Variants in CPEB3 observed in about 807,000 individuals in gnomAD.
The protein encoded by CPEB3 is cytoplasmic polyadenylation element-binding protein 3.
CPEB3 carries 20 observed loss-of-function variants against 67.2 expected under a neutral mutation model. The ratio of observed to expected loss-of-function variants is 0.30; its 90% CI spans 0.21 to 0.43. The LOEUF is 0.43. Ranked by LOEUF, CPEB3 falls within the 20% of genes least tolerant of loss-of-function variation. CPEB3 has a pLI of 1.00. For synonymous variants in CPEB3, 376 were observed against 393.1 expected (o/e 0.96, Z 0.51); for missense variants, 746 against 968.6 (o/e 0.77, Z 3.05).
At chr10:92,256,783 G>C (rs1023996954) in intron 1 of CPEB3, among the ~76,000 whole-genome samples, 3 of 152,174 alleles carry the variant, frequency 2.0e-5, no homozygotes, top group African/African-American at 7.2e-5. Context: ...CAGAATTGCT[G>C]ATTCCTTCCT....
intron 1 of CPEB3, among the ~76,000 whole-genome samples, chr10:92,275,902 G>A (rs1321858573): frequency 3.5e-5 from 5 of 141,462 alleles, no homozygotes; most frequent in Non-Finnish European, 7.5e-5. Flanking sequence ...AGGCTGGGGT[G>A]CAGTGTCGCG....
At chr10:92,275,845 CTT>C (rs909549413) in intron 1 of CPEB3, among the ~76,000 whole-genome samples, 4 of 92,968 alleles carry the variant, frequency 4.3e-5, no homozygotes, top group African/African-American at 7.3e-5. Context: ...TCATTCTTTT[CTT>C]TTTTTTTTTT....
intron 1 of CPEB3, among the ~76,000 whole-genome samples, chr10:92,289,810 ATAT>A (rs1293011197): frequency 7.2e-6 from 1 of 139,428 alleles, no homozygotes; most frequent in African/African-American, 2.7e-5. Context: ...AATGTATTAT[ATAT>A]TATATAATAC....
At chr10:92,185,871 ATC>A (rs1848664163) in intron 3 of CPEB3, among the ~76,000 whole-genome samples, 1 of 152,192 alleles carries the variant, frequency 6.6e-6, no homozygotes. Context: ...TGTTTTTTAA[ATC>A]TGTTTTAAGG....
At chr10:92,133,548 A>G (rs189510939) in intron 6 of CPEB3, among the ~76,000 whole-genome samples, 2 of 152,334 alleles carry the variant, frequency 1.3e-5, no homozygotes, top group Admixed American at 1.3e-4. Flanking sequence ...AAAAAAGTCC[A>G]GGACCAGATG....
intron 6 of CPEB3, among the ~76,000 whole-genome samples, chr10:92,119,581 T>TA (rs762946716): frequency 3.3e-5 from 5 of 152,264 alleles, no homozygotes; most frequent in South Asian, 2.1e-4. Flanking sequence ...GTTGCTGGCT[T>TA]AAAGGACAAT....
At chr10:92,223,978 G>T (rs1338034310) in intron 2 of CPEB3, among the ~76,000 whole-genome samples, 1 of 152,026 alleles carries the variant, frequency 6.6e-6, no homozygotes, top group Non-Finnish European at 1.5e-5. Flanking sequence ...CTTTGGCCAG[G>T]TTGGTCTCCA....
intron 9 of CPEB3, among the ~76,000 whole-genome samples, chr10:92,059,881 C>T (rs960485969): frequency 1.4e-5 from 2 of 147,762 alleles, no homozygotes; most frequent in South Asian, 2.1e-4. Context: ...CAGTTGAACC[C>T]GGGAGGCGGA....
intron 1 of CPEB3, among the ~76,000 whole-genome samples, chr10:92,264,162 C>T (rs1482240787): frequency 6.6e-6 from 1 of 151,890 alleles, no homozygotes; most frequent in East Asian, 1.9e-4. Context: ...AACCCTGTCT[C>T]TACAAAAATA....
chr10:92,253,463 CA>C (rs370091703), intron 1 of CPEB3, among the ~76,000 whole-genome samples: 2,489 of 76,846 alleles, frequency 0.032, 15 homozygotes, highest in East Asian at 0.079. Context: ...TGTCTCAAAA[CA>C]AAAAAAAAAA....
intron 9 of CPEB3, among the ~76,000 whole-genome samples, chr10:92,060,416 A>G (rs1842297134): frequency 1.3e-5 from 2 of 152,164 alleles, no homozygotes; most frequent in South Asian, 4.1e-4. Flanking sequence ...TGAAGCTACT[A>G]AAGGAAAACA....
At chr10:92,083,872 C>A (rs1843257451) in intron 8 of CPEB3, among the ~76,000 whole-genome samples, 2 of 152,134 alleles carry the variant, frequency 1.3e-5, no homozygotes, top group African/African-American at 4.8e-5. Flanking sequence ...TTTTTCTACA[C>A]CACAGTGGTC....
intron 7 of CPEB3, among the ~76,000 whole-genome samples, chr10:92,096,250 T>C (rs1233104156): frequency 1.3e-5 from 2 of 152,158 alleles, no homozygotes; most frequent in African/African-American, 4.8e-5. Context: ...ACTATTTATA[T>C]AGCATTTACA....
At chr10:92,247,522 C>G (rs1316781757) in intron 1 of CPEB3, among the ~76,000 whole-genome samples, 2 of 152,094 alleles carry the variant, frequency 1.3e-5, no homozygotes, top group Non-Finnish European at 2.9e-5. Flanking sequence ...CTCAGCCTCC[C>G]GAGTAGCTGG....
chr10:92,147,840 G>C (rs1461951459), intron 4 of CPEB3, among the ~76,000 whole-genome samples: 3 of 152,066 alleles, frequency 2.0e-5, no homozygotes, highest in African/African-American at 7.2e-5. Flanking sequence ...AACAGCTCTT[G>C]ATCTTTCCCT....
At chr10:92,054,644 G>T (rs1842045680) in intron 9 of CPEB3, among the ~76,000 whole-genome samples, 1 of 152,100 alleles carries the variant, frequency 6.6e-6, no homozygotes, top group African/African-American at 2.4e-5. Flanking sequence ...GTTTCACCGT[G>T]TTGGCCAGGC....
intron 1 of CPEB3, among the ~76,000 whole-genome samples, chr10:92,249,947 G>T (rs549990437): frequency 6.6e-6 from 1 of 150,426 alleles, no homozygotes; most frequent in Non-Finnish European, 1.5e-5. Context: ...GCTTGAACTT[G>T]GGAGTCGGAG....
intron 1 of CPEB3, among the ~76,000 whole-genome samples, chr10:92,254,397 T>C (rs886531634): frequency 2.6e-5 from 4 of 152,166 alleles, no homozygotes; most frequent in Admixed American, 6.6e-5. Context: ...TTCTGAGTGA[T>C]GATCTGTTAA....
rs182661495 is a variant in CPEB3 at position 92,260,448 on chromosome 10, G to C, written c.-11-20087C>G. ...CGCCTGTAATCCCAGCTACTCGGGA[G>C]GCTGAGACAGGAGAATCACTTGAAC... On this transcript the variant is annotated intron_variant, in intron 1 of 9. Transcript: ENST00000265997. 4.9e-4 allele frequency among the ~76,000 whole-genome samples: 74 copies of C among 151,398 alleles called. No homozygotes were observed. In the East Asian group the frequency reaches 0.014, roughly 29 times the overall value.
Sources: allele counts gnomAD v4.1 joint callset (sites outside exome capture counted in the v4.1 genomes callset), GRCh38; gene constraint gnomAD v4.1.1; transcripts MANE v1.5; gene names NCBI Gene and HGNC (gene_info 2026-07-23, HGNC 2026-07-21).